Variants in IFT88 observed in about 807,000 individuals in gnomAD.
The protein encoded by IFT88 is intraflagellar transport protein 88 homolog.
In IFT88, 74 loss-of-function variants were observed where a neutral mutation model predicts 119.5. The ratio of observed to expected loss-of-function variants is 0.62; its 90% CI spans 0.51 to 0.75. The LOEUF (loss-of-function observed/expected upper bound fraction) is 0.75, where lower values mean the gene tolerates loss of function less well. Ranked by LOEUF, IFT88 falls within the 30% of genes least tolerant of loss-of-function variation. The pLI, the probability that IFT88 is intolerant of heterozygous loss-of-function variation, is 0.00. For missense variants in IFT88, 961 were observed against 977.7 expected, an observed-to-expected ratio of 0.98 and a Z score of 0.23; for synonymous variants, 279 against 316.7, an observed-to-expected ratio of 0.88 and a Z score of 1.26.
intron 14 of IFT88, among the ~76,000 whole-genome samples, chr13:20,623,826 C>G (rs1164580785): frequency 6.6e-6 from 1 of 152,114 alleles, no homozygotes; most frequent in Non-Finnish European, 1.5e-5. Context: ...TTATAGTGTT[C>G]CATGTTCAAG....
At chr13:20,660,769 A>T (rs968675401) in intron 22 of IFT88, among the ~76,000 whole-genome samples, 1 of 152,214 alleles carries the variant, frequency 6.6e-6, no homozygotes, top group Non-Finnish European at 1.5e-5. Context: ...ACTGGGGAAG[A>T]AGCAGCTTTT....
At chr13:20,577,440 A>T (rs1172022630) in intron 2 of IFT88, among the ~76,000 whole-genome samples, 1 of 152,104 alleles carries the variant, frequency 6.6e-6, no homozygotes, top group Admixed American at 6.5e-5. Context: ...CATGTTCCAG[A>T]TCTTAAAGGA....
At position 20,691,037 on chromosome 13, in the gene IFT88, A is replaced by G; in HGVS notation, c.2354-17A>G. 1 of 1,609,998 alleles carries G rather than the reference A, an allele frequency of 6.2e-7. No individual in the cohort carries two copies. The highest frequency in any genetic ancestry group is 2.2e-5 in the East Asian group (1 of 44,846). The stretch of plus-strand genomic sequence containing the variant: ...TTGTTTACATAACTCTAACGTGACA[A>G]TCTCTTCGAAACCTAGATGCCTCCT... On this transcript the variant is annotated splice_polypyrimidine_tract_variant and intron_variant, in intron 25 of 25. Coordinates refer to ENST00000351808, the MANE Select transcript of IFT88 (RefSeq NM_006531.5).
Position 20,582,944 on chromosome 13 carries a change from G to GTT in IFT88, c.91-10_91-9dup. 6.2e-7 allele frequency: 1 copy of GTT among 1,606,094 alleles called. No homozygotes were observed. Among genetic ancestry groups the GTT allele is most frequent in the Non-Finnish European group, 8.5e-7 (1 of 1,174,194 alleles). ...ACTCTGTGTTGAATGTTAAATTTGC[G>GTT]TTTTCATTTTAGGAATTGGAGAATG... On this transcript the variant is annotated splice_polypyrimidine_tract_variant and intron_variant, in intron 2 of 25. Coordinates refer to ENST00000351808, the MANE Select transcript of IFT88 (RefSeq NM_006531.5).
At chr13:20,580,882 C>T (rs367585494) in intron 2 of IFT88, among the ~76,000 whole-genome samples, 1 of 151,930 alleles carries the variant, frequency 6.6e-6, no homozygotes. Context: ...CCCGCCACCA[C>T]GCCTGGCTAA....
chr13:20,580,158 C>T (rs1245790514), intron 2 of IFT88, among the ~76,000 whole-genome samples: 2 of 152,158 alleles, frequency 1.3e-5, no homozygotes, highest in East Asian at 1.9e-4. Flanking sequence ...AGCAGTGTCT[C>T]ATGATACTAA....
At position 20,601,900 on chromosome 13, in the gene IFT88, A is replaced by G; in HGVS notation, c.1008A>G (p.Leu336=). 6.2e-7 allele frequency: 1 copy of G among 1,601,108 alleles called. No homozygotes were observed. The highest frequency in any genetic ancestry group is 8.6e-7 in the Non-Finnish European group (1 of 1,168,182). ...KAFQKLITVP[L]EIDEDKYISP... is the part of the protein sequence containing the mutation. ...TCCAAAAATTGATTACTGTTCCATT[A>G]GAAATTGATGAAGATAAATATATTT... The change falls in exon 12 of 26, where the codon TTA becomes TTG. Residue 336 remains leucine (L), a synonymous_variant. Coordinates refer to ENST00000351808, the MANE Select transcript of IFT88 (RefSeq NM_006531.5).
chr13:20,651,839 T>G (rs2051777501), intron 20 of IFT88, among the ~76,000 whole-genome samples: 1 of 152,104 alleles, frequency 6.6e-6, no homozygotes, highest in South Asian at 2.1e-4. Flanking sequence ...TCTTGGAACA[T>G]ACTCACCACA....
chr13:20,665,065 C>T (rs867614107), intron 23 of IFT88, among the ~76,000 whole-genome samples: 4 of 146,542 alleles, frequency 2.7e-5, no homozygotes, highest in Middle Eastern at 3.3e-3. Flanking sequence ...GGCAACAGAG[C>T]GACACTCCGT....
chr13:20,578,034 CTTTTTT>C lies in IFT88; in HGVS notation c.90+3582_90+3587del, dbSNP rs57202566. ...TATTGTGGCTTCAGTCTTGTTACTT[CTTTTTT>C]TTTTTTTTTTTTTTTTTTTTTTCAG... On this transcript the variant is annotated intron_variant, in intron 2 of 25. Transcript: ENST00000351808. Among the ~76,000 whole-genome samples, 42 of 55,870 alleles carry C rather than the reference CTTTTTT, an allele frequency of 7.5e-4. 1 individual carries two copies. Among genetic ancestry groups the C allele is most frequent in the African/African-American group, 1.6e-3 (25 of 15,412 alleles). 36.7% of individuals were successfully genotyped at this position (55,870 alleles called of 152,430 possible). A position where few individuals can be genotyped will look rare whatever the true frequency, so the allele number is the denominator to read the frequency against.
intron 14 of IFT88, among the ~76,000 whole-genome samples, chr13:20,621,930 T>C (rs2046584439): frequency 6.6e-6 from 1 of 152,220 alleles, no homozygotes; most frequent in Non-Finnish European, 1.5e-5. Flanking sequence ...CAACCACTGA[T>C]CTTTTTACTG....
chr13:20,613,733 T>C (rs2045065341), intron 13 of IFT88, among the ~76,000 whole-genome samples: 4 of 152,118 alleles, frequency 2.6e-5, no homozygotes, highest in Admixed American at 2.6e-4. Context: ...TAATATGGGA[T>C]GTGATTCAGC....
intron 24 of IFT88, among the ~76,000 whole-genome samples, chr13:20,683,541 A>G (rs958926893): frequency 2.6e-5 from 4 of 152,192 alleles, no homozygotes; most frequent in African/African-American, 4.8e-5. Flanking sequence ...AATGCAAAAT[A>G]TAACTGCTTT....
At chr13:20,574,595 A>G (rs867094684) in intron 2 of IFT88, 120 bp downstream of exon 2, 5 of 498,764 alleles carry the variant, frequency 1.0e-5, no homozygotes, top group Admixed American at 7.6e-5. Context: ...TCAAAAACCT[A>G]GAAAAGTGCT....
At chr13:20,579,701 C>T (rs1188896298) in intron 2 of IFT88, among the ~76,000 whole-genome samples, 1 of 152,236 alleles carries the variant, frequency 6.6e-6, no homozygotes, top group African/African-American at 2.4e-5. Context: ...CTCCCCTCTT[C>T]TCATCTCAAA....
At chr13:20,607,078 G>T (rs1171096571) in intron 13 of IFT88, among the ~76,000 whole-genome samples, 1 of 152,134 alleles carries the variant, frequency 6.6e-6, no homozygotes, top group Admixed American at 6.5e-5. Flanking sequence ...CGGCTACAGT[G>T]GGCAATGTGG....
intron 3 of IFT88, among the ~76,000 whole-genome samples, chr13:20,585,360 C>T (rs2039478377): frequency 6.6e-6 from 1 of 152,178 alleles, no homozygotes; most frequent in African/African-American, 2.4e-5. Context: ...TAAAATCCAC[C>T]AAGGGAAGAG....
intron 24 of IFT88, among the ~76,000 whole-genome samples, chr13:20,680,656 C>T (rs529499649): frequency 6.6e-6 from 1 of 152,140 alleles, no homozygotes; most frequent in Non-Finnish European, 1.5e-5. Context: ...TGTTGCTCGC[C>T]AGCACTTGTG....
At chr13:20,584,615 G>T (rs756182831) in intron 3 of IFT88, among the ~76,000 whole-genome samples, 4 of 151,882 alleles carry the variant, frequency 2.6e-5, no homozygotes, top group Non-Finnish European at 5.9e-5. Context: ...TAGTATTAAG[G>T]TTTTTGTATG....
Sources: gnomAD v4.1 joint callset for allele counts (sites outside exome capture counted in the v4.1 genomes callset) on GRCh38, gnomAD v4.1.1 for gene constraint, MANE v1.5 for transcripts, NCBI Gene and HGNC (gene_info 2026-07-23, HGNC 2026-07-21) for gene names.